The following CNTN3 variants were observed in gnomAD, a reference collection of about 807,000 sequenced individuals.
CNTN3 encodes the protein contactin-3.
Under a neutral mutation model 119.1 loss-of-function variants are expected in CNTN3, and 60 were observed. That is an observed-to-expected ratio of 0.50 (90% CI 0.41 to 0.62). CNTN3 has a LOEUF of 0.62. CNTN3 is among the 20% of genes least tolerant of loss of function. The probability of loss-of-function intolerance (pLI) is 0.00; values close to 1 mark genes in which losing one functional copy is unlikely to be tolerated. For missense variants in CNTN3, 1,101 were observed against 1,242.4 expected, an observed-to-expected ratio of 0.89 and a Z score of 1.71; for synonymous variants, 450 against 438.7, an observed-to-expected ratio of 1.03 and a Z score of -0.32.
intron 2 of CNTN3, among the ~76,000 whole-genome samples, chr3:74,504,426 C>T (rs967033669): frequency 1.3e-5 from 2 of 152,032 alleles, no homozygotes; most frequent in Admixed American, 1.3e-4. Context: ...TATTCTAGGT[C>T]CCACTATTCT....
intron 5 of CNTN3, among the ~76,000 whole-genome samples, chr3:74,414,583 T>G (rs1443334465): frequency 6.6e-6 from 1 of 152,126 alleles, no homozygotes; most frequent in East Asian, 1.9e-4. Flanking sequence ...TCAGAATCTC[T>G]GGGAGTGGGA....
intron 1 of CNTN3, among the ~76,000 whole-genome samples, chr3:74,522,227 A>C (rs1703553618): frequency 6.6e-6 from 1 of 151,924 alleles, no homozygotes; most frequent in African/African-American, 2.4e-5. Context: ...CATTCCTATA[A>C]TAATATTCTT....
intron 1 of CNTN3, among the ~76,000 whole-genome samples, chr3:74,544,596 G>T (rs1559652058): frequency 6.6e-6 from 1 of 151,472 alleles, no homozygotes; most frequent in Non-Finnish European, 1.5e-5. Flanking sequence ...CTCTTTTTTT[G>T]GTGGGGGGAA....
intron 1 of CNTN3, among the ~76,000 whole-genome samples, chr3:74,604,505 G>GA (rs1704961606): frequency 6.6e-6 from 1 of 151,996 alleles, no homozygotes; most frequent in African/African-American, 2.4e-5. Context: ...GCAAAGATCA[G>GA]AAAAAACATT....
intron 1 of CNTN3, among the ~76,000 whole-genome samples, chr3:74,563,714 C>A (rs775667757): frequency 6.6e-6 from 1 of 152,128 alleles, no homozygotes. Context: ...GACACACAGA[C>A]TGACAGAATT....
At chr3:74,280,814 G>A (rs1050520032) in intron 20 of CNTN3, among the ~76,000 whole-genome samples, 2 of 152,174 alleles carry the variant, frequency 1.3e-5, no homozygotes, top group African/African-American at 4.8e-5. Flanking sequence ...GGGACACAGT[G>A]ATGAAGTGAG....
intron 5 of CNTN3, among the ~76,000 whole-genome samples, chr3:74,380,520 T>C (rs1704586880): frequency 6.6e-6 from 1 of 152,220 alleles, no homozygotes. Context: ...ACAATTATGA[T>C]TTGATTGACC....
At chr3:74,450,627 G>C (rs1195290215) in intron 4 of CNTN3, among the ~76,000 whole-genome samples, 1 of 149,532 alleles carries the variant, frequency 6.7e-6, no homozygotes, top group Non-Finnish European at 1.5e-5. Context: ...TCGTCATCTA[G>C]CATTAGGTAT....
intron 18 of CNTN3, among the ~76,000 whole-genome samples, chr3:74,296,315 G>A (rs961288165): frequency 6.6e-6 from 1 of 152,136 alleles, no homozygotes; most frequent in Non-Finnish European, 1.5e-5. Context: ...CTCTTTTCCA[G>A]TTGCCAGCAC....
intron 1 of CNTN3, among the ~76,000 whole-genome samples, chr3:74,582,859 G>A (rs1704536911): frequency 6.6e-6 from 1 of 151,530 alleles, no homozygotes. Flanking sequence ...TTACACAAGA[G>A]AAAAGAAAAC....
chr3:74,314,562 G>C (rs934439678), intron 13 of CNTN3, among the ~76,000 whole-genome samples: 1 of 152,068 alleles, frequency 6.6e-6, no homozygotes, highest in Non-Finnish European at 1.5e-5. Flanking sequence ...GGCTAATGAG[G>C]GGCATTACAT....
intron 11 of CNTN3, among the ~76,000 whole-genome samples, chr3:74,355,310 C>G (rs1439484631): frequency 6.6e-6 from 1 of 152,090 alleles, no homozygotes; most frequent in East Asian, 1.9e-4. Flanking sequence ...TCAAACTCCT[C>G]AAGGCTTCAC....
chr3:74,443,480 G>A (rs548795905), intron 4 of CNTN3, among the ~76,000 whole-genome samples: 1 of 152,214 alleles, frequency 6.6e-6, no homozygotes, highest in South Asian at 2.1e-4. Context: ...CTCCTTCAGT[G>A]GCTGCCCACC....
At chr3:74,438,710 C>G (rs1266814491) in intron 4 of CNTN3, among the ~76,000 whole-genome samples, 2 of 152,052 alleles carry the variant, frequency 1.3e-5, no homozygotes, top group East Asian at 3.9e-4. Context: ...TCTTAAAGCT[C>G]TTGATATTTA....
At chr3:74,293,286 C>T (rs1158172033) in intron 19 of CNTN3, among the ~76,000 whole-genome samples, 2 of 152,150 alleles carry the variant, frequency 1.3e-5, no homozygotes, top group African/African-American at 4.8e-5. Context: ...ATTCCCTATC[C>T]TTTCTTTTCT....
chr3:74,435,963 C>T (rs973278502), intron 4 of CNTN3, among the ~76,000 whole-genome samples: 25 of 152,202 alleles, frequency 1.6e-4, no homozygotes, highest in Non-Finnish European at 3.2e-4. Context: ...AAAACACACT[C>T]TCAGTTTCTA....
At chr3:74,312,094 T>C (rs1702697583) in intron 13 of CNTN3, among the ~76,000 whole-genome samples, 1 of 152,150 alleles carries the variant, frequency 6.6e-6, no homozygotes, top group South Asian at 2.1e-4. Context: ...TCCCCTCATG[T>C]TTCTGGTAGT....
chr3:74,582,494 T>C (rs1704528540), intron 1 of CNTN3, among the ~76,000 whole-genome samples: 1 of 151,676 alleles, frequency 6.6e-6, no homozygotes, highest in Non-Finnish European at 1.5e-5. Flanking sequence ...TATAGGTAAA[T>C]AAATAATGAA....
chr3:74,547,368 G>A (rs1703930632), intron 1 of CNTN3, among the ~76,000 whole-genome samples: 1 of 152,094 alleles, frequency 6.6e-6, no homozygotes, highest in African/African-American at 2.4e-5. Context: ...ATAGCCGTCA[G>A]GTAACACACA....
Sources: gnomAD v4.1 joint callset for allele counts (sites outside exome capture counted in the v4.1 genomes callset) on GRCh38, gnomAD v4.1.1 for gene constraint, MANE v1.5 for transcripts, NCBI Gene and HGNC (gene_info 2026-07-23, HGNC 2026-07-21) for gene names.